ATP11B: variants seen among roughly 807,000 people sequenced by gnomAD.
ATP11B encodes ATPase phospholipid transporting 11B (putative).
Under a neutral mutation model 157.8 loss-of-function variants are expected in ATP11B, and 81 were observed. The observed-to-expected ratio is 0.51, with a 90% CI of 0.43 to 0.62. The LOEUF (loss-of-function observed/expected upper bound fraction) is 0.62. ATP11B is among the 20% of genes least tolerant of loss of function. The probability of loss-of-function intolerance (pLI) is 0.00; values close to 1 mark genes in which losing one functional copy is unlikely to be tolerated. For missense variants in ATP11B, 1,165 were observed against 1,402.2 expected, an observed-to-expected ratio of 0.83 and a Z score of 2.70; for synonymous variants, 451 against 469.4, an observed-to-expected ratio of 0.96 and a Z score of 0.51.
At chr3:182,878,378 A>G (rs1722192180) in intron 19 of ATP11B, among the ~76,000 whole-genome samples, 1 of 152,132 alleles carries the variant, frequency 6.6e-6, no homozygotes, top group South Asian at 2.1e-4. Flanking sequence ...AACCTTCGGT[A>G]TTTTCTTGTG....
intron 1 of ATP11B, among the ~76,000 whole-genome samples, chr3:182,809,210 A>G (rs1464353241): frequency 6.6e-6 from 1 of 151,838 alleles, no homozygotes; most frequent in Non-Finnish European, 1.5e-5. Flanking sequence ...TCCTAATTAC[A>G]TTTTATTTAT....
In ATP11B at chr3:182,897,377, A is replaced by G. The variant is rs1245090728; in HGVS notation, c.3123A>G (p.Val1041=). ...GGGGATCTATTATATTTTATTTTGTATTTTCCTTGTTTTATGGAGGGATTC... is the reference window on the plus strand; with the variant it reads ...GGGGATCTATTATATTTTATTTTGTGTTTTCCTTGTTTTATGGAGGGATTC... ...VTWGSIIFYF[V]FSLFYGGILW... The change falls in exon 27 of 30, where the codon GTA becomes GTG. Residue 1041 remains valine (V), a synonymous_variant. Coordinates refer to ENST00000323116, the MANE Select transcript of ATP11B (RefSeq NM_014616.3). The G allele has an allele frequency of 6.3e-7, 1 of 1,587,168 alleles. No homozygotes were observed. Among genetic ancestry groups the G allele is most frequent in the Non-Finnish European group, 8.5e-7 (1 of 1,171,014 alleles).
At chr3:182,891,121 C>T (rs1560117730) in intron 25 of ATP11B, among the ~76,000 whole-genome samples, 1 of 152,174 alleles carries the variant, frequency 6.6e-6, no homozygotes, top group Non-Finnish European at 1.5e-5. Flanking sequence ...ACAGTCTTAC[C>T]ATCAGTGCAA....
chr3:182,865,506 G>T lies in ATP11B; in HGVS notation c.1251G>T (p.Met417Ile), dbSNP rs1314134927. 6.2e-7 allele frequency: 1 copy of T among 1,613,420 alleles called. No homozygotes were observed. The highest frequency in any genetic ancestry group is 1.7e-5 in the Admixed American group (1 of 59,982). ...CTGGTACACTGACAGAAAATGAGATGCAGTTTCGGGAATGTTCAATTAATG... is the reference window on the plus strand; with the variant it reads ...CTGGTACACTGACAGAAAATGAGATTCAGTTTCGGGAATGTTCAATTAATG... The part of the protein sequence containing the change: ...DKTGTLTENE[M>I]QFRECSINGM... Residue 417 changes from methionine (M) to isoleucine (I), a missense_variant, in exon 13 of 30, where the codon ATG (methionine) becomes ATT (isoleucine). Met to Ile is a conservative substitution (Grantham distance 10, BLOSUM62 1). This residue lies in a region of ATP11B where 737 missense variants were observed against 930.5 expected (regional missense o/e 0.79). Transcript: ENST00000323116.
At chr3:182,849,487 GA>G (rs1266901881) in intron 10 of ATP11B, among the ~76,000 whole-genome samples, 7 of 152,176 alleles carry the variant, frequency 4.6e-5, no homozygotes, top group African/African-American at 1.7e-4. Context: ...TTTAGCAGAC[GA>G]GAACTTTAAA....
chr3:182,827,620 C>A (rs1436953876), intron 2 of ATP11B, among the ~76,000 whole-genome samples: 1 of 151,854 alleles, frequency 6.6e-6, no homozygotes, highest in Non-Finnish European at 1.5e-5. Context: ...GATCACTTAT[C>A]TAAAGCATTT....
Position 182,837,622 on chromosome 3 carries a change from A to G in ATP11B, c.656+448A>G, listed in dbSNP as rs565326162. ...AACCTTATAAAGTTTTCAATATTTT[A>G]CTTACACGCACATAATAAAGTAAAA... On this transcript the variant is annotated intron_variant, in intron 7 of 29. Coordinates refer to ENST00000323116, the MANE Select transcript of ATP11B (RefSeq NM_014616.3). 2.6e-5 allele frequency among the ~76,000 whole-genome samples: 4 copies of G among 152,200 alleles called. No homozygotes were observed. The East Asian group carries it at 7.7e-4, about 29-fold the overall frequency.
In ATP11B at chr3:182,793,528, G is replaced by C. The variant is rs1364118331; in HGVS notation, c.-232G>C. ...CAATAATGAAGGTGGCTGCGGCGCG[G>C]CGGCAGGCTCAGCTGCGCCGGGCGG... is the stretch of plus-strand genomic sequence containing the variant. On this transcript the variant is annotated 5_prime_UTR_variant, in exon 1 of 30. Transcript: ENST00000323116. 3 of 352,372 alleles carry C rather than the reference G, an allele frequency of 8.5e-6. No individual in the cohort carries two copies. The highest frequency in any genetic ancestry group is 4.8e-5 in the Admixed American group (1 of 20,960). 21.8% of individuals were successfully genotyped at this position (352,372 alleles called of 1,614,324 possible).
At chr3:182,885,901 C>A in intron 22 of ATP11B, 50 bp from the exon 23 acceptor site, 1 of 1,290,380 alleles carries the variant, frequency 7.7e-7, no homozygotes, top group South Asian at 1.6e-5. Flanking sequence ...TTTATTTTGT[C>A]TTTGAAACCT....
At chr3:182,906,905 G>T (rs1304910368) in intron 28 of ATP11B, among the ~76,000 whole-genome samples, 1 of 151,836 alleles carries the variant, frequency 6.6e-6, no homozygotes, top group Admixed American at 6.5e-5. Flanking sequence ...TGGCTGACAC[G>T]GTGAAACCCC....
intron 28 of ATP11B, among the ~76,000 whole-genome samples, chr3:182,912,380 CTACTT>C (rs550584101): frequency 2.0e-5 from 3 of 152,078 alleles, no homozygotes; most frequent in African/African-American, 7.2e-5. Context: ...TCACAGTCCT[CTACTT>C]TAAAAGTCTG....
At chr3:182,899,421 G>A (rs1192494734) in intron 28 of ATP11B, among the ~76,000 whole-genome samples, 1 of 151,852 alleles carries the variant, frequency 6.6e-6, no homozygotes, top group African/African-American at 2.4e-5. Context: ...GAAGCGCTGG[G>A]ATTACAGGTG....
In ATP11B at chr3:182,920,913, A is replaced by C. The variant is rs534354777; in HGVS notation, c.*2809A>C. ...CAGACCTGAGCCACACCCAGGCCCTATCCTGAACAGGAGACTAAACAGAGG... is the reference window on the plus strand; with the variant it reads ...CAGACCTGAGCCACACCCAGGCCCTCTCCTGAACAGGAGACTAAACAGAGG... On this transcript the variant is annotated 3_prime_UTR_variant, in exon 30 of 30. Transcript: ENST00000323116. The C allele has an allele frequency of 6.6e-6, 1 of 152,394 alleles. No individual in the cohort carries two copies. Among genetic ancestry groups the C allele is most frequent in the South Asian group, 2.1e-4 (1 of 4,834 alleles). The allele number at this position is 152,394 out of a possible 1,614,324, so 9.4% of individuals were successfully genotyped here.
intron 17 of ATP11B, 112 bp downstream of exon 17, chr3:182,869,443 A>AT: frequency 5.7e-6 from 4 of 703,158 alleles, no homozygotes; most frequent in Non-Finnish European, 9.1e-6. Context: ...CAGTTGTGTT[A>AT]CACTGTGTGT....
At chr3:182,908,191 A>ATTTTTTTT (rs1724508207) in intron 28 of ATP11B, among the ~76,000 whole-genome samples, 1 of 95,932 alleles carries the variant, frequency 1.0e-5, no homozygotes. Context: ...TCATATTATT[A>ATTTTTTTT]TTTTCTTTTT....
chr3:182,874,102 C>A, intron 19 of ATP11B, 87 bp downstream of exon 19: 2 of 1,172,176 alleles, frequency 1.7e-6, no homozygotes, highest in Non-Finnish European at 2.4e-6. Flanking sequence ...ACTGTCACTG[C>A]CTGTTTTTTA....
intron 4 of ATP11B, among the ~76,000 whole-genome samples, chr3:182,833,457 C>T (rs1718302355): frequency 6.6e-6 from 1 of 152,096 alleles, no homozygotes; most frequent in South Asian, 2.1e-4. Flanking sequence ...TACCAAATAG[C>T]TGGGACTACA....
intron 8 of ATP11B, chr3:182,844,559 C>A: frequency 1.0e-6 from 1 of 984,648 alleles, no homozygotes. Context: ...GAAATTCAAA[C>A]AGCAAGAAGA....
intron 1 of ATP11B, among the ~76,000 whole-genome samples, chr3:182,810,675 A>G (rs552619451): frequency 6.6e-6 from 1 of 152,228 alleles, no homozygotes; most frequent in South Asian, 2.1e-4. Flanking sequence ...TACTGTTGAG[A>G]ATGTTTTTAC....
Sources: gnomAD v4.1 joint callset for allele counts (sites outside exome capture counted in the v4.1 genomes callset) on GRCh38, gnomAD v4.1.1 for gene constraint, gnomAD v4.1.1 regional missense constraint, MANE v1.5 for transcripts, NCBI Gene and HGNC (gene_info 2026-07-23, HGNC 2026-07-21) for gene names.